The following FRMD4B variants were observed in gnomAD, a reference collection of about 807,000 sequenced individuals.
FRMD4B encodes the protein FERM domain-containing protein 4B.
Under a neutral mutation model 141.5 loss-of-function variants are expected in FRMD4B, and 74 were observed. The ratio of observed to expected loss-of-function variants is 0.52; its 90% CI spans 0.43 to 0.63. The LOEUF is 0.63. Among genes scored for constraint, FRMD4B ranks in the 30% least tolerant of loss-of-function variants. The probability of loss-of-function intolerance (pLI) is 0.00; values close to 1 mark genes in which losing one functional copy is unlikely to be tolerated. For synonymous variants in FRMD4B, 506 were observed against 467.9 expected (o/e 1.08, Z -1.05); for missense variants, 1,366 against 1,253.4 (o/e 1.09, Z -1.36).
intron 8 of FRMD4B, 77 bp from the exon 9 acceptor site, chr3:69,222,000 G>A (rs374336142): frequency 1.3e-6 from 1 of 791,920 alleles, no homozygotes; most frequent in African/African-American, 1.7e-5. Flanking sequence ...ATTATCAGGT[G>A]GCTGTCAGGA....
At chr3:69,204,690 G>A (rs1324469069) in intron 11 of FRMD4B, among the ~76,000 whole-genome samples, 1 of 152,154 alleles carries the variant, frequency 6.6e-6, no homozygotes, top group Non-Finnish European at 1.5e-5. Context: ...CTGAGACAAA[G>A]TCTCTGCCCT....
chr3:69,311,208 G>A, intron 3 of FRMD4B, 55 bp downstream of exon 3: 2 of 779,924 alleles, frequency 2.6e-6, no homozygotes, highest in South Asian at 1.6e-5. Flanking sequence ...ATGGAAGACA[G>A]CAAGTAGGTA....
chr3:69,408,000 T>A (rs909123409), intron 2 of FRMD4B, among the ~76,000 whole-genome samples: 2 of 152,146 alleles, frequency 1.3e-5, no homozygotes, highest in African/African-American at 4.8e-5. Context: ...TCAGCACACT[T>A]TTTAAAAATA....
At position 69,216,593 on chromosome 3, in the gene FRMD4B, G is replaced by A. The variant is rs575089241; in HGVS notation, c.790-244C>T. ...TTACAGGTGTGCACCACCATGCCTG[G>A]CTAATTTTTTTGTATTTTAGTAGAG... On this transcript the variant is annotated intron_variant, in intron 10 of 22. Coordinates refer to ENST00000398540, the MANE Select transcript of FRMD4B (RefSeq NM_015123.3). Among the ~76,000 whole-genome samples, 3 of 152,016 alleles carry A rather than the reference G, an allele frequency of 2.0e-5. 1 individual carries two copies. In the South Asian group the frequency reaches 6.2e-4, roughly 32 times the overall value.
At chr3:69,460,497 CAA>C (rs796389698) in intron 1 of FRMD4B, among the ~76,000 whole-genome samples, 8 of 152,298 alleles carry the variant, frequency 5.3e-5, no homozygotes, top group African/African-American at 1.7e-4. Flanking sequence ...ATGGAGGACA[CAA>C]ATTGTCATCA....
At chr3:69,348,764 G>A (rs759110146) in intron 1 of FRMD4B, among the ~76,000 whole-genome samples, 16 of 152,198 alleles carry the variant, frequency 1.1e-4, no homozygotes, top group East Asian at 1.9e-4. Context: ...TGCAGAAAAC[G>A]CCTTTGACAA....
chr3:69,357,711 T>C (rs1703363103), intron 1 of FRMD4B, among the ~76,000 whole-genome samples: 2 of 152,202 alleles, frequency 1.3e-5, no homozygotes, highest in Admixed American at 1.3e-4. Flanking sequence ...AGACGCACCA[T>C]AAAATCACAA....
chr3:69,313,478 C>A lies in FRMD4B; in HGVS notation c.202G>T (p.Asp68Tyr). Residue 68 changes from aspartate to tyrosine, a missense_variant, in exon 2 of 23, where the codon GAT becomes TAT. By Grantham distance (160) the Asp-to-Tyr change is radical (BLOSUM62 -3). Transcript: ENST00000398540. ...GRHCQVHLLD[D>Y]RRLELLVQPK... ...TGAACCAGCAGCTCCAGTCTCCTAT[C>A]ATCCAGGAGGTGCACCTGGCAGTGC... 6.4e-7 allele frequency: 1 copy of A among 1,572,746 alleles called. No individual in the cohort carries two copies. The highest frequency in any genetic ancestry group is 2.3e-5 in the East Asian group (1 of 42,760).
Position 69,334,843 on chromosome 3 carries a change from A to G in FRMD4B, c.163-21326T>C, listed in dbSNP as rs557572163. 2.0e-5 allele frequency among the ~76,000 whole-genome samples: 3 copies of G among 152,350 alleles called. No individual in the cohort carries two copies. In the South Asian group the frequency reaches 6.2e-4, roughly 32 times the overall value. ...GGGACTCAACAGTGACACAAGCCAG[A>G]GAGTCAAGTGCTCCTCTCTCAAAGA... On this transcript the variant is annotated intron_variant, in intron 1 of 22. Coordinates refer to ENST00000398540, the MANE Select transcript of FRMD4B (RefSeq NM_015123.3).
intron 1 of FRMD4B, among the ~76,000 whole-genome samples, chr3:69,341,752 C>T (rs1011998858): frequency 6.6e-6 from 1 of 152,184 alleles, no homozygotes; most frequent in Admixed American, 6.5e-5. Context: ...GATTAAAGCC[C>T]TTATAAAATA....
chr3:69,253,183 ATTTT>A (rs5849890), intron 5 of FRMD4B, among the ~76,000 whole-genome samples: 6,696 of 129,760 alleles, frequency 0.052, 274 homozygotes, highest in African/African-American at 0.099. Flanking sequence ...TATGATTCCT[ATTTT>A]TTTTTTTTTT....
At chr3:69,225,492 G>A (rs145419517) in intron 7 of FRMD4B, among the ~76,000 whole-genome samples, 5,881 of 139,394 alleles carry the variant, frequency 0.042, 211 homozygotes, top group Non-Finnish European at 0.063. Context: ...TGGCTAACAC[G>A]GTGAAACCCT....
intron 1 of FRMD4B, among the ~76,000 whole-genome samples, chr3:69,457,823 T>C (rs1182583244): frequency 2.0e-5 from 3 of 152,100 alleles, no homozygotes; most frequent in African/African-American, 7.2e-5. Context: ...AGGTTGACGG[T>C]TCTAGCAATA....
chr3:69,262,342 T>A (rs778857332), intron 5 of FRMD4B, among the ~76,000 whole-genome samples: 1 of 152,064 alleles, frequency 6.6e-6, no homozygotes, highest in African/African-American at 2.4e-5. Flanking sequence ...GCTCAGCAAT[T>A]TTCTCCTAAG....
At chr3:69,225,706 AAAAAAAAAAAAAAAAAAAAAAAGAG>A (rs2093246946) in intron 7 of FRMD4B, among the ~76,000 whole-genome samples, 1 of 39,022 alleles carries the variant, frequency 2.6e-5, no homozygotes, top group African/African-American at 5.9e-5. Flanking sequence ...AAAAAAAAAA[AAAAAAAAAAAAAAAAAAAAAAAGAG>A]GGAGAACACG....
At chr3:69,250,290 C>CGTGCGT (rs2093454619) in intron 5 of FRMD4B, 191 bp from the exon 6 acceptor site, 5 of 417,768 alleles carry the variant, frequency 1.2e-5, no homozygotes, top group South Asian at 3.2e-5. Flanking sequence ...ACTGTGTGTG[C>CGTGCGT]GTGTGTGTGT....
intron 1 of FRMD4B, among the ~76,000 whole-genome samples, chr3:69,506,889 C>T (rs146756675): frequency 2.6e-5 from 4 of 152,196 alleles, no homozygotes; most frequent in Non-Finnish European, 5.9e-5. Context: ...GTGCACACTG[C>T]GGTGACGATT....
intron 1 of FRMD4B, among the ~76,000 whole-genome samples, chr3:69,329,732 A>G (rs1423048897): frequency 1.3e-5 from 2 of 151,028 alleles, no homozygotes; most frequent in African/African-American, 2.4e-5. Context: ...GGGTTTCACT[A>G]TGTTGACCAG....
intron 7 of FRMD4B, among the ~76,000 whole-genome samples, chr3:69,241,503 C>G (rs1162596538): frequency 2.0e-5 from 3 of 152,164 alleles, no homozygotes; most frequent in Non-Finnish European, 4.4e-5. Context: ...AAAGGCCCGA[C>G]CTGAAATAAG....
Sources: gnomAD v4.1 joint callset for allele counts (sites outside exome capture counted in the v4.1 genomes callset) on GRCh38, gnomAD v4.1.1 for gene constraint, MANE v1.5 for transcripts, NCBI Gene and HGNC (gene_info 2026-07-23, HGNC 2026-07-21) for gene names.